The following GAB2 variants were observed in gnomAD, a reference collection of about 807,000 sequenced individuals.
GAB2 encodes GRB2-associated-binding protein 2.
In GAB2, 26 loss-of-function variants were observed where a neutral mutation model predicts 65.5. The ratio of observed to expected loss-of-function variants is 0.40; its 90% confidence interval spans 0.29 to 0.55. The LOEUF (loss-of-function observed/expected upper bound fraction) is 0.55. GAB2 is among the 20% of genes least tolerant of loss of function. GAB2 has a pLI of 0.53. For synonymous variants in GAB2, 321 were observed against 329.6 expected (o/e 0.97, Z 0.28); for missense variants, 884 against 875.8 (o/e 1.01, Z -0.12).
At chr11:78,414,164 C>T (rs1287245951) in intron 1 of GAB2, among the ~76,000 whole-genome samples, 2 of 151,376 alleles carry the variant, frequency 1.3e-5, no homozygotes, top group Non-Finnish European at 2.9e-5. Flanking sequence ...GGCCATTCAT[C>T]GTACGTACAG....
chr11:78,355,037 T>C (rs1313056414), intron 1 of GAB2, among the ~76,000 whole-genome samples: 1 of 152,234 alleles, frequency 6.6e-6, no homozygotes, highest in Non-Finnish European at 1.5e-5. Flanking sequence ...AAACCACCTT[T>C]ATGACATTTC....
At chr11:78,224,989 G>C (rs530926144) in intron 5 of GAB2, 119 bp downstream of exon 5, 24 of 664,170 alleles carry the variant, frequency 3.6e-5, no homozygotes, top group Admixed American at 1.8e-4. Context: ...CAAGAACTTG[G>C]GCAGGGTCCT....
At chr11:78,349,319 T>A (rs967488490) in intron 1 of GAB2, among the ~76,000 whole-genome samples, 1 of 151,950 alleles carries the variant, frequency 6.6e-6, no homozygotes, top group African/African-American at 2.4e-5. Context: ...AGAAAATGAG[T>A]GGTATTGCAA....
chr11:78,256,307 G>T (rs1865594663), intron 2 of GAB2, among the ~76,000 whole-genome samples: 2 of 152,316 alleles, frequency 1.3e-5, no homozygotes, highest in South Asian at 4.1e-4. Flanking sequence ...AATCATAAAA[G>T]ACCACAGATC....
At chr11:78,294,770 T>C (rs1045393625) in intron 1 of GAB2, among the ~76,000 whole-genome samples, 1 of 152,118 alleles carries the variant, frequency 6.6e-6, no homozygotes, top group African/African-American at 2.4e-5. Context: ...ATGTTAGACC[T>C]AAAACCATAA....
rs115967854 is a variant in GAB2 at position 78,296,589 on chromosome 11, C to T, written c.76-15688G>A. 4.1e-3 allele frequency among the ~76,000 whole-genome samples: 620 copies of T among 151,122 alleles called. 3 individuals are homozygous for T. The highest frequency in any genetic ancestry group is 0.014 in the African/African-American group (583 of 41,148). On this transcript the variant is annotated intron_variant, in intron 1 of 9. Coordinates refer to ENST00000361507, the MANE Select transcript of GAB2 (RefSeq NM_080491.3). ...CACAAAAATGCAAAAAACATGGTAC[C>T]CGATATATGACAAAGAAGACACTTG... is the stretch of plus-strand genomic sequence containing the variant.
chr11:78,282,936 T>G (rs1282736612), intron 1 of GAB2, among the ~76,000 whole-genome samples: 2 of 152,216 alleles, frequency 1.3e-5, no homozygotes, highest in African/African-American at 4.8e-5. Context: ...ATTCCTCTTA[T>G]TTACCCAGCA....
chr11:78,261,167 C>T (rs758147243), intron 2 of GAB2, among the ~76,000 whole-genome samples: 1 of 152,102 alleles, frequency 6.6e-6, no homozygotes, highest in Admixed American at 6.5e-5. Flanking sequence ...CCTGCAGTCC[C>T]AGACTGGGGG....
intron 1 of GAB2, among the ~76,000 whole-genome samples, chr11:78,369,978 C>A (rs540706068): frequency 6.6e-6 from 1 of 152,234 alleles, no homozygotes; most frequent in South Asian, 2.1e-4. Flanking sequence ...AAAATACTGG[C>A]CGGGCGCGGT....
Position 78,282,159 on chromosome 11 carries a change from T to C in GAB2, c.76-1258A>G, listed in dbSNP as rs997499396. Among the ~76,000 whole-genome samples the C allele has an allele frequency of 3.9e-5, 6 of 152,236 alleles. No individual in the cohort carries two copies. The East Asian group carries it at 9.6e-4, about 24-fold the overall frequency. Reference sequence around the variant, plus strand: ...CCTTATACCATTCCATACCACAGAATTGAACACGTGATTACATATTCTCTC... The same window carrying C: ...CCTTATACCATTCCATACCACAGAACTGAACACGTGATTACATATTCTCTC... On this transcript the variant is annotated intron_variant, in intron 1 of 9. Coordinates refer to ENST00000361507, the MANE Select transcript of GAB2 (RefSeq NM_080491.3).
At chr11:78,297,451 G>A (rs180843134) in intron 1 of GAB2, among the ~76,000 whole-genome samples, 67 of 152,170 alleles carry the variant, frequency 4.4e-4, no homozygotes, top group African/African-American at 1.4e-3. Flanking sequence ...CACTTATTCA[G>A]TTCATAAGCA....
intron 3 of GAB2, among the ~76,000 whole-genome samples, chr11:78,247,977 T>C (rs1444156238): frequency 6.6e-6 from 1 of 152,208 alleles, no homozygotes; most frequent in Non-Finnish European, 1.5e-5. Flanking sequence ...CCTACAACAA[T>C]GTGACTTCCT....
intron 1 of GAB2, among the ~76,000 whole-genome samples, chr11:78,315,285 C>A (rs1855579625): frequency 6.6e-6 from 1 of 152,174 alleles, no homozygotes; most frequent in Non-Finnish European, 1.5e-5. Context: ...ATGGCTTTCC[C>A]CCCTTTTTAA....
In GAB2 at chr11:78,300,532, C is replaced by CAA. The variant is rs1255395653; in HGVS notation, c.76-19633_76-19632dup. On this transcript the variant is annotated intron_variant, in intron 1 of 9. Coordinates refer to ENST00000361507, the MANE Select transcript of GAB2 (RefSeq NM_080491.3). ...TTAATTTTATAAAAAAACAAAAAAA[C>CAA]AAAAAACTACCACATTGTTTTCTGA... is the stretch of plus-strand genomic sequence containing the variant. 8.8e-3 allele frequency among the ~76,000 whole-genome samples: 1,110 copies of CAA among 126,284 alleles called. 18 individuals carry two copies. The highest frequency in any genetic ancestry group is 0.027 in the African/African-American group (1,028 of 37,804). The allele number at this position is 126,284 out of a possible 152,430, so 82.8% of individuals were successfully genotyped here. A position where few individuals can be genotyped will look rare whatever the true frequency, so the allele number is the denominator to read the frequency against.
chr11:78,217,740 T>G lies in GAB2; in HGVS notation c.*1532A>C, dbSNP rs535527713. 6.6e-6 allele frequency: 1 copy of G among 152,224 alleles called. No individual in the cohort carries two copies. Among genetic ancestry groups the G allele is most frequent in the African/African-American group, 2.4e-5 (1 of 41,506 alleles). The allele number at this position is 152,224 out of a possible 1,614,324, so 9.4% of individuals were successfully genotyped here. On this transcript the variant is annotated 3_prime_UTR_variant, in exon 10 of 10. Transcript: ENST00000361507. The stretch of plus-strand genomic sequence containing the variant: ...TGCTAATCTGATGGCCTTTCAAACC[T>G]GGGGAGGAGAGTCCAAGATGGCTCC...
intron 1 of GAB2, among the ~76,000 whole-genome samples, chr11:78,407,716 GTCCC>G (rs1857071263): frequency 7.2e-5 from 7 of 97,146 alleles, no homozygotes; most frequent in African/African-American, 1.1e-4. Context: ...GGCATTTTCC[GTCCC>G]AAAAAGAAAG....
chr11:78,257,058 C>T (rs1407362000), intron 2 of GAB2, among the ~76,000 whole-genome samples: 2 of 151,910 alleles, frequency 1.3e-5, no homozygotes, highest in African/African-American at 4.8e-5. Flanking sequence ...TACAGAATCA[C>T]TCCCCTTCCT....
chr11:78,244,819 T>C (rs1249424581), intron 3 of GAB2, among the ~76,000 whole-genome samples: 1 of 152,166 alleles, frequency 6.6e-6, no homozygotes, highest in Non-Finnish European at 1.5e-5. Flanking sequence ...AAAAGGGAAC[T>C]CTTACACACT....
chr11:78,393,219 G>T (rs1196798868), intron 1 of GAB2, among the ~76,000 whole-genome samples: 3 of 152,202 alleles, frequency 2.0e-5, no homozygotes, highest in Non-Finnish European at 2.9e-5. Context: ...AAAGGGAGCT[G>T]CTGAGTTAAC....
Sources: allele counts gnomAD v4.1 joint callset (sites outside exome capture counted in the v4.1 genomes callset), GRCh38; gene constraint gnomAD v4.1.1; transcripts MANE v1.5; gene names NCBI Gene and HGNC (gene_info 2026-07-23, HGNC 2026-07-21).